IL4R: variants seen among roughly 807,000 people sequenced by gnomAD.
The protein encoded by IL4R is interleukin 4 receptor.
In IL4R, 17 loss-of-function variants were observed where a neutral mutation model predicts 41.5. The ratio of observed to expected loss-of-function variants is 0.41; its 90% CI spans 0.28 to 0.61. IL4R has a LOEUF of 0.61. Ranked by LOEUF, IL4R falls within the 20% of genes least tolerant of loss-of-function variation. IL4R has a pLI of 0.31. For synonymous variants in IL4R, 402 were observed against 422.9 expected, an observed-to-expected ratio of 0.95 and a Z score of 0.61; for missense variants, 974 against 1,043.1, an observed-to-expected ratio of 0.93 and a Z score of 0.91.
intron 1 of IL4R, among the ~76,000 whole-genome samples, chr16:27,322,504 A>G (rs915670637): frequency 5.3e-5 from 8 of 152,268 alleles, no homozygotes; most frequent in African/African-American, 1.9e-4. Flanking sequence ...AGTATAAAAG[A>G]GCCAACTTCC....
At position 27,319,284 on chromosome 16, in the gene IL4R, A is replaced by G. The variant is rs1452930803; in HGVS notation, c.-152+5264A>G. Among the ~76,000 whole-genome samples, 3 of 152,226 alleles carry G rather than the reference A, an allele frequency of 2.0e-5. No individual in the cohort carries two copies. In the East Asian group the frequency reaches 5.8e-4, roughly 29 times the overall value. The stretch of plus-strand genomic sequence containing the variant: ...CTGCATTGTCTCATTTAACTTGTGT[A>G]ATAACCCTACCAGATAGGAGCTACT... On this transcript the variant is annotated intron_variant, in intron 1 of 10. Transcript: ENST00000395762.
In IL4R at chr16:27,328,205, C is replaced by CAAAAAAAAAAAAAAA. The variant is rs779355998; in HGVS notation, c.-151-1857_-151-1843dup. Among the ~76,000 whole-genome samples, 38 of 70,486 alleles carry CAAAAAAAAAAAAAAA rather than the reference C, an allele frequency of 5.4e-4. 1 individual carries two copies. Among genetic ancestry groups the CAAAAAAAAAAAAAAA allele is most frequent in the African/African-American group, 1.7e-3 (34 of 19,808 alleles). 46.2% of individuals were successfully genotyped at this position (70,486 alleles called of 152,430 possible). ...CTGGTGACAAAGCTAGGCTCCATCT[C>CAAAAAAAAAAAAAAA]AAAAAAAAAAAAAAAAAAGATTGTT... On this transcript the variant is annotated intron_variant, in intron 1 of 10. Transcript: ENST00000395762.
chr16:27,314,099 C>G, intron 1 of IL4R, 79 bp downstream of exon 1: 1 of 985,104 alleles, frequency 1.0e-6, no homozygotes, highest in Non-Finnish European at 1.2e-6. Flanking sequence ...TCGGGAAGGG[C>G]TCGGCCGCCG....
chr16:27,358,604 C>T (rs901092405), intron 8 of IL4R, among the ~76,000 whole-genome samples: 2 of 152,184 alleles, frequency 1.3e-5, no homozygotes, highest in Non-Finnish European at 2.9e-5. Context: ...GGTCTCATTC[C>T]CACTGAGGAC....
upstream of IL4R, chr16:27,313,948 A>G: frequency 1.0e-6 from 1 of 984,334 alleles, no homozygotes; most frequent in Non-Finnish European, 1.2e-6. Flanking sequence ...GGCGCGGGCC[A>G]GGGAAGGGCC....
At chr16:27,337,448 CA>C (rs1351136948) in intron 2 of IL4R, among the ~76,000 whole-genome samples, 2 of 152,148 alleles carry the variant, frequency 1.3e-5, no homozygotes, top group African/African-American at 4.8e-5. Flanking sequence ...ACTAGCAGAA[CA>C]AAGCCTGGGA....
chr16:27,327,962 A>T (rs775470353), intron 1 of IL4R, among the ~76,000 whole-genome samples: 2 of 152,070 alleles, frequency 1.3e-5, no homozygotes, highest in Non-Finnish European at 2.9e-5. Context: ...CTGTAATCCC[A>T]GCACTATGGG....
At chr16:27,356,030 C>G (rs965292461) in intron 8 of IL4R, 123 bp downstream of exon 8, 21 of 643,268 alleles carry the variant, frequency 3.3e-5, no homozygotes, top group Middle Eastern at 2.6e-4. Context: ...TGAGCAGCTA[C>G]TACACACCTT....
chr16:27,343,831 C>T (rs1317199021), intron 4 of IL4R, among the ~76,000 whole-genome samples: 2 of 152,136 alleles, frequency 1.3e-5, no homozygotes, highest in African/African-American at 4.8e-5. Flanking sequence ...GGGCATTATT[C>T]CATGTACCAT....
intron 2 of IL4R, among the ~76,000 whole-genome samples, chr16:27,331,940 G>A (rs1163584036): frequency 2.6e-5 from 4 of 151,774 alleles, no homozygotes; most frequent in African/African-American, 7.3e-5. Flanking sequence ...ATTAACTCCC[G>A]AATCATTATA....
intron 9 of IL4R, chr16:27,359,680 C>T (rs1363126002): frequency 1.2e-5 from 5 of 408,620 alleles, no homozygotes; most frequent in Admixed American, 7.4e-5. Context: ...TTGCTTAATT[C>T]TCTGAGCCTC....
Position 27,352,712 on chromosome 16 carries a change from C to T in IL4R, c.670+16C>T, listed in dbSNP as rs2085920905. Reference sequence around the variant, plus strand: ...TGGCACAACTGTGAGTATCAAGAGGCCTAAGCAATGGTAATCTCCACTCTC... The same window carrying T: ...TGGCACAACTGTGAGTATCAAGAGGTCTAAGCAATGGTAATCTCCACTCTC... On this transcript the variant is annotated intron_variant, in intron 7 of 10. Transcript: ENST00000395762. 2 of 1,612,208 alleles carry T rather than the reference C, an allele frequency of 1.2e-6. No individual in the cohort carries two copies. Among genetic ancestry groups the T allele is most frequent in the Non-Finnish European group, 1.7e-6 (2 of 1,178,490 alleles).
chr16:27,317,194 G>T (rs1432853751), intron 1 of IL4R, among the ~76,000 whole-genome samples: 1 of 152,198 alleles, frequency 6.6e-6, no homozygotes, highest in Non-Finnish European at 1.5e-5. Context: ...GCGAGCAAAC[G>T]TGCCTGGCCT....
At chr16:27,324,618 G>A (rs1016773049) in intron 1 of IL4R, among the ~76,000 whole-genome samples, 1 of 152,192 alleles carries the variant, frequency 6.6e-6, no homozygotes, top group Non-Finnish European at 1.5e-5. Context: ...CAAGATAACA[G>A]GTTGCAGAAA....
intron 1 of IL4R, among the ~76,000 whole-genome samples, chr16:27,328,278 C>G (rs1330174578): frequency 2.1e-5 from 3 of 143,700 alleles, no homozygotes; most frequent in Admixed American, 7.0e-5. Flanking sequence ...GAACTTTGCT[C>G]TATTGCCCGG....
chr16:27,337,091 G>GAAATA (rs998678008), intron 2 of IL4R, among the ~76,000 whole-genome samples: 5 of 151,578 alleles, frequency 3.3e-5, no homozygotes, highest in South Asian at 2.1e-4. Context: ...AAAATAAAAT[G>GAAATA]AAATAAAATA....
Position 27,345,350 on chromosome 16 carries a change from T to C in IL4R, c.361+330T>C. ...TTGAAAACCGAACTGGGAACATTCC[T>C]TCCATTCTGTGTCCACTGGTCAGCT... is the stretch of plus-strand genomic sequence containing the variant. On this transcript the variant is annotated intron_variant, in intron 5 of 10. Coordinates refer to ENST00000395762, the MANE Select transcript of IL4R (RefSeq NM_000418.4). This position sits in a 1 kb window ranked among gnomAD's most constrained non-coding sequence, Gnocchi z 4.5. 1 of 427,404 alleles carries C rather than the reference T, an allele frequency of 2.3e-6. No homozygotes were observed. Among genetic ancestry groups the C allele is most frequent in the South Asian group, 1.8e-5 (1 of 54,172 alleles). 26.5% of individuals were successfully genotyped at this position (427,404 alleles called of 1,614,324 possible).
intron 3 of IL4R, chr16:27,341,163 C>T (rs1201034539): frequency 2.9e-6 from 2 of 694,438 alleles, no homozygotes; most frequent in South Asian, 3.0e-5. Flanking sequence ...GGCTCCGGAT[C>T]CCTCTGGGAG....
intron 1 of IL4R, among the ~76,000 whole-genome samples, chr16:27,325,513 G>A (rs1387954456): frequency 6.6e-6 from 1 of 151,786 alleles, no homozygotes; most frequent in Non-Finnish European, 1.5e-5. Context: ...GACAGAGGTT[G>A]CAGTGAACTG....
Sources: gnomAD v4.1 joint callset for allele counts (sites outside exome capture counted in the v4.1 genomes callset) on GRCh38, gnomAD v4.1.1 for gene constraint, Gnocchi (gnomAD v3.1) non-coding constraint, MANE v1.5 for transcripts, NCBI Gene and HGNC (gene_info 2026-07-23, HGNC 2026-07-21) for gene names.